Variants in EDIL3 observed in about 807,000 individuals in gnomAD.
EDIL3 encodes the protein EGF like and discoidin domains 3.
EDIL3 carries 37 observed loss-of-function variants against 67.4 expected under a neutral mutation model. The observed-to-expected ratio is 0.55, with a 90% CI of 0.42 to 0.72. EDIL3 has a LOEUF of 0.72. Among genes scored for constraint, EDIL3 ranks in the 30% least tolerant of loss-of-function variants. The probability of loss-of-function intolerance (pLI) is 0.00; values close to 1 mark genes in which losing one functional copy is unlikely to be tolerated. For synonymous variants in EDIL3, 195 were observed against 196.3 expected (o/e 0.99, Z 0.05); for missense variants, 527 against 586.3 (o/e 0.90, Z 1.04).
At chr5:84,334,717 AT>A (rs1271889211) in intron 1 of EDIL3, among the ~76,000 whole-genome samples, 2 of 152,094 alleles carry the variant, frequency 1.3e-5, no homozygotes, top group African/African-American at 2.4e-5. Context: ...TCAAAGTCAC[AT>A]TTTTTTCTTC....
At chr5:84,285,708 G>A (rs1745794846) in intron 1 of EDIL3, among the ~76,000 whole-genome samples, 1 of 152,224 alleles carries the variant, frequency 6.6e-6, no homozygotes, top group Admixed American at 6.5e-5. Context: ...TAATATGTTT[G>A]GTCACACTTG....
At chr5:83,968,527 T>C (rs1004744529) in intron 9 of EDIL3, among the ~76,000 whole-genome samples, 5 of 152,056 alleles carry the variant, frequency 3.3e-5, no homozygotes, top group African/African-American at 1.2e-4. Flanking sequence ...TTTTTTCACA[T>C]GTAAAACCAT....
At chr5:84,207,741 C>T (rs1445128513) in intron 3 of EDIL3, among the ~76,000 whole-genome samples, 7 of 151,798 alleles carry the variant, frequency 4.6e-5, no homozygotes, top group East Asian at 1.9e-4. Flanking sequence ...GAAATAATGC[C>T]GCATATCTAC....
intron 3 of EDIL3, among the ~76,000 whole-genome samples, chr5:84,221,559 T>TTTTG (rs3842053): frequency 0.34 from 51,730 of 151,562 alleles, 9,354 homozygotes; most frequent in African/African-American, 0.47. Flanking sequence ...GGAAGTTTAA[T>TTTTG]TTTTAAAAAA....
At chr5:84,110,800 G>A (rs1223378799) in intron 5 of EDIL3, among the ~76,000 whole-genome samples, 3 of 152,124 alleles carry the variant, frequency 2.0e-5, no homozygotes, top group Non-Finnish European at 4.4e-5. Context: ...CATCCTAGGG[G>A]AGGCAACAGG....
intron 1 of EDIL3, among the ~76,000 whole-genome samples, chr5:84,350,322 G>A (rs1206772463): frequency 2.6e-5 from 4 of 151,810 alleles, no homozygotes; most frequent in Non-Finnish European, 5.9e-5. Flanking sequence ...GGTGGCAGAG[G>A]CTACTTCATA....
At position 84,106,824 on chromosome 5, in the gene EDIL3, G is replaced by A. The variant is rs750981151; in HGVS notation, c.476C>T (p.Ser159Leu). 6.3e-7 allele frequency: 1 copy of A among 1,595,376 alleles called. No homozygotes were observed. The highest frequency in any genetic ancestry group is 1.1e-5 in the South Asian group (1 of 88,178). The change falls in exon 6 of 11, where the codon TCA becomes TTA. Residue 159 changes from serine (S) to leucine (L), a missense_variant. Around this residue, in one of 2 missense-constraint regions of EDIL3, gnomAD observed 494 missense variants for 522.5 expected, o/e 0.95. Coordinates refer to ENST00000296591, the MANE Select transcript of EDIL3 (RefSeq NM_005711.5). ...TCCACCTTCAATTCCCAGTGGGCCT[G>A]AGCATTCTGGAAACAAAAACAGGAA... ...FMGRNCQYKCSGPLGIEGGII... is the reference protein window; with the variant it reads ...FMGRNCQYKCLGPLGIEGGII...
chr5:84,254,221 TAA>T lies in EDIL3; in HGVS notation c.68-11_68-10del. ...GGGATCACAAATATCACCTAAGGCA[TAA>T]AAAAAAACCGAAATTGACATTTTTT... On this transcript the variant is annotated splice_polypyrimidine_tract_variant and intron_variant, in intron 1 of 10. Coordinates refer to ENST00000296591, the MANE Select transcript of EDIL3 (RefSeq NM_005711.5). The T allele has an allele frequency of 6.5e-7, 1 of 1,534,610 alleles. No individual in the cohort carries two copies. The highest frequency in any genetic ancestry group is 8.8e-7 in the Non-Finnish European group (1 of 1,133,874).
chr5:84,266,686 C>T (rs903232048), intron 1 of EDIL3, among the ~76,000 whole-genome samples: 15 of 152,142 alleles, frequency 9.9e-5, no homozygotes. Flanking sequence ...GTATATAAAT[C>T]CTCTTTTCCA....
At chr5:83,949,904 A>G (rs1295028898) in intron 10 of EDIL3, among the ~76,000 whole-genome samples, 2 of 151,846 alleles carry the variant, frequency 1.3e-5, no homozygotes, top group South Asian at 2.1e-4. Context: ...CAGATAGCCT[A>G]TGCTAACATT....
At chr5:84,078,879 T>A (rs1435871029) in intron 6 of EDIL3, 1 of 152,184 alleles carries the variant, frequency 6.6e-6, no homozygotes, top group Non-Finnish European at 1.5e-5. Context: ...TGTTCTAATG[T>A]GGTGACTCTT....
intron 1 of EDIL3, among the ~76,000 whole-genome samples, chr5:84,284,148 G>T (rs1745762666): frequency 6.6e-6 from 1 of 151,886 alleles, no homozygotes; most frequent in African/African-American, 2.4e-5. Context: ...TAATATACAT[G>T]TCTGTGATTT....
chr5:84,268,042 C>A (rs1459676868), intron 1 of EDIL3, among the ~76,000 whole-genome samples: 1 of 152,136 alleles, frequency 6.6e-6, no homozygotes, highest in East Asian at 1.9e-4. Flanking sequence ...GAGGCTGAGG[C>A]AGGAGAATTG....
intron 6 of EDIL3, among the ~76,000 whole-genome samples, chr5:84,083,468 T>C (rs930221044): frequency 6.6e-6 from 1 of 152,178 alleles, no homozygotes; most frequent in African/African-American, 2.4e-5. Context: ...ACAATAAAAG[T>C]TTTGTTTCTT....
chr5:84,245,930 A>G (rs77578126), intron 2 of EDIL3, among the ~76,000 whole-genome samples: 2 of 151,976 alleles, frequency 1.3e-5, no homozygotes, highest in Admixed American at 6.6e-5. Context: ...AAAAAAAAAA[A>G]AAATCTAAGT....
chr5:84,054,986 T>G (rs202170373), intron 9 of EDIL3, among the ~76,000 whole-genome samples: 15 of 145,928 alleles, frequency 1.0e-4, no homozygotes, highest in Non-Finnish European at 1.6e-4. Context: ...AACCAAAAAA[T>G]AGCCTGCATT....
chr5:84,298,945 G>A (rs1746101568), intron 1 of EDIL3, among the ~76,000 whole-genome samples: 2 of 152,052 alleles, frequency 1.3e-5, no homozygotes, highest in Non-Finnish European at 1.5e-5. Flanking sequence ...ATCCTCTCTA[G>A]GCCACCTCAC....
chr5:84,091,736 C>T (rs1747169728), intron 6 of EDIL3, among the ~76,000 whole-genome samples: 1 of 152,170 alleles, frequency 6.6e-6, no homozygotes, highest in Non-Finnish European at 1.5e-5. Flanking sequence ...CTTACTTCTG[C>T]TTCTCTGAAT....
rs561062432 is a variant in EDIL3 at position 84,176,198 on chromosome 5, A to AATATAT, written c.355+4189_355+4194dup. 1.7e-3 allele frequency among the ~76,000 whole-genome samples: 134 copies of AATATAT among 77,226 alleles called. 1 individual carries two copies. The highest frequency in any genetic ancestry group is 2.5e-3 in the South Asian group (5 of 2,026). 50.7% of individuals were successfully genotyped at this position (77,226 alleles called of 152,430 possible). On this transcript the variant is annotated intron_variant, in intron 4 of 10. Transcript: ENST00000296591. ...TGGTAAAAAATATATATATATATAT[A>AATATAT]ATATATATATATATATATATATATA...
Sources: allele counts gnomAD v4.1 joint callset (sites outside exome capture counted in the v4.1 genomes callset), GRCh38; gene constraint gnomAD v4.1.1; regional missense constraint gnomAD v4.1.1; transcripts MANE v1.5; gene names NCBI Gene and HGNC (gene_info 2026-07-23, HGNC 2026-07-21).